DNAJA1: variants seen among roughly 807,000 people sequenced by gnomAD.
The protein encoded by DNAJA1 is dnaJ homolog subfamily A member 1.
A neutral mutation model predicts 47.6 loss-of-function variants in DNAJA1; 26 were observed. The observed-to-expected ratio is 0.55, with a 90% CI of 0.40 to 0.76. The LOEUF (loss-of-function observed/expected upper bound fraction) is 0.76, where lower values mean the gene tolerates loss of function less well. DNAJA1 is among the 30% of genes least tolerant of loss of function. DNAJA1 has a pLI of 0.00. For missense variants in DNAJA1, 315 were observed against 485.0 expected, an observed-to-expected ratio of 0.65 and a Z score of 3.29; for synonymous variants, 165 against 158.4, an observed-to-expected ratio of 1.04 and a Z score of -0.31.
chr9:33,033,760 A>G (rs10813924), intron 5 of DNAJA1, among the ~76,000 whole-genome samples: 19,943 of 152,236 alleles, frequency 0.13, 1,500 homozygotes, highest in East Asian at 0.3. Context: ...GTCTTGATTT[A>G]CATTGCTGTT....
chr9:33,038,278 A>G (rs1196462106), intron 8 of DNAJA1, among the ~76,000 whole-genome samples: 1 of 152,136 alleles, frequency 6.6e-6, no homozygotes. Context: ...TGTAATCCCA[A>G]TTGTATGAGC....
chr9:33,036,907 T>G, intron 7 of DNAJA1, 108 bp from the exon 8 acceptor site: 2 of 1,043,892 alleles, frequency 1.9e-6, no homozygotes, highest in Non-Finnish European at 1.4e-6. Context: ...CTTTGCCACG[T>G]AAGTTTTACT....
chr9:33,034,518 C>CT (rs1839006456), intron 6 of DNAJA1, among the ~76,000 whole-genome samples, 188 bp downstream of exon 6: 3 of 152,182 alleles, frequency 2.0e-5, no homozygotes, highest in South Asian at 2.1e-4. Flanking sequence ...CTTTTTGTCT[C>CT]TAAGTATGGA....
At chr9:33,026,640 G>A (rs2274769) in intron 2 of DNAJA1, 24 bp downstream of exon 2, 551,371 of 1,587,512 alleles carry the variant, frequency 0.35, 99,126 homozygotes, top group Non-Finnish European at 0.37. Context: ...ACTCTTAAAC[G>A]TATCTGAATA....
chr9:33,026,150 T>C (rs948360069), intron 1 of DNAJA1, among the ~76,000 whole-genome samples: 4 of 152,234 alleles, frequency 2.6e-5, no homozygotes, highest in Non-Finnish European at 4.4e-5. Flanking sequence ...AGTGCTTCTT[T>C]TGGTTACAAC....
Position 33,030,636 on chromosome 9 carries a change from G to T in DNAJA1, c.612G>T (p.Glu204Asp). 6.2e-7 allele frequency: 1 copy of T among 1,613,618 alleles called. No individual in the cohort carries two copies. The highest frequency in any genetic ancestry group is 8.5e-7 in the Non-Finnish European group (1 of 1,179,828). ...GCAACGGAAGGAAGATAGTTCGAGA[G>T]AAGAAAATTTTAGAAGTTCATATTG... ...KSCNGRKIVR[E>D]KKILEVHIDK... is the part of the protein sequence containing the mutation. The change falls in exon 5 of 9, where the codon GAG (glutamate) becomes GAT (aspartate). Residue 204 changes from glutamate (E) to aspartate (D), a missense_variant. Transcript: ENST00000330899.
chr9:33,038,802 G>A lies in DNAJA1; in HGVS notation c.1093G>A (p.Asp365Asn). Reference protein sequence around the residue: ...TDEMDQVELVDFDPNQERRRH... With the variant: ...TDEMDQVELVNFDPNQERRRH... ...TGAGATGGACCAAGTAGAACTGGTG[G>A]ACTTTGATCCAAATCAGGAAAGACG... is the stretch of plus-strand genomic sequence containing the variant. Residue 365 changes from aspartate to asparagine, a missense_variant, in exon 9 of 9, where the codon GAC (aspartate) becomes AAC (asparagine). Around this residue, in one of 4 missense-constraint regions of DNAJA1, gnomAD observed 162 missense variants for 185.4 expected, o/e 0.87. Coordinates refer to ENST00000330899, the MANE Select transcript of DNAJA1 (RefSeq NM_001539.4). The A allele has an allele frequency of 6.2e-7, 1 of 1,614,096 alleles. No individual in the cohort carries two copies. The highest frequency in any genetic ancestry group is 8.5e-7 in the Non-Finnish European group (1 of 1,180,022).
chr9:33,028,324 A>G (rs1429566916), intron 3 of DNAJA1, among the ~76,000 whole-genome samples: 1 of 152,332 alleles, frequency 6.6e-6, no homozygotes, highest in African/African-American at 2.4e-5. Context: ...AAAGTGGCCT[A>G]TGGGCTCTAG....
intron 3 of DNAJA1, among the ~76,000 whole-genome samples, chr9:33,029,294 A>G (rs1034984511): frequency 6.6e-6 from 1 of 152,222 alleles, no homozygotes; most frequent in African/African-American, 2.4e-5. Context: ...CTATTATAAA[A>G]GGTATGAGAA....
At chr9:33,033,449 C>A (rs983050190) in intron 5 of DNAJA1, among the ~76,000 whole-genome samples, 1 of 151,778 alleles carries the variant, frequency 6.6e-6, no homozygotes, top group Admixed American at 6.6e-5. Context: ...GTCTGTAATC[C>A]GAACACTATA....
In DNAJA1 at chr9:33,036,897, C is replaced by G. The variant is rs1293513072; in HGVS notation, c.875-118C>G. 4 of 955,324 alleles carry G rather than the reference C, an allele frequency of 4.2e-6. No individual in the cohort carries two copies. In the African/African-American group the frequency reaches 6.6e-5, roughly 16 times the overall value. The allele number at this position is 955,324 out of a possible 1,614,324, so 59.2% of individuals were successfully genotyped here. A position where few individuals can be genotyped will look rare whatever the true frequency, so the allele number is the denominator to read the frequency against. ...CCATAAGTGAAAGGTAACAGGATTG[C>G]TTTGCCACGTAAGTTTTACTCCTGC... On this transcript the variant is annotated intron_variant, in intron 7 of 8. Coordinates refer to ENST00000330899, the MANE Select transcript of DNAJA1 (RefSeq NM_001539.4).
intron 5 of DNAJA1, among the ~76,000 whole-genome samples, chr9:33,031,086 T>A (rs1445690861): frequency 1.3e-5 from 2 of 152,130 alleles, no homozygotes; most frequent in African/African-American, 4.8e-5. Flanking sequence ...AAGAATTGGG[T>A]CTCATAAAAA....
chr9:33,039,013 CTA>C lies in DNAJA1; in HGVS notation c.*113_*114del. On this transcript the variant is annotated 3_prime_UTR_variant, in exon 9 of 9. Coordinates refer to ENST00000330899, the MANE Select transcript of DNAJA1 (RefSeq NM_001539.4). ...TTGCTCTTGTTTTTGTTTTAATAAA[CTA>C]TAGTAGTGTTTTAAAAAGTTAAATG... is the stretch of plus-strand genomic sequence containing the variant. 1.9e-6 allele frequency: 2 copies of C among 1,079,186 alleles called. No homozygotes were observed. The highest frequency in any genetic ancestry group is 1.3e-6 in the Non-Finnish European group (1 of 751,854). 66.9% of individuals were successfully genotyped at this position (1,079,186 alleles called of 1,614,324 possible). A position where few individuals can be genotyped will look rare whatever the true frequency, so the allele number is the denominator to read the frequency against.
chr9:33,034,943 T>G (rs1180920633), intron 6 of DNAJA1, among the ~76,000 whole-genome samples: 2 of 150,852 alleles, frequency 1.3e-5, no homozygotes, highest in African/African-American at 4.9e-5. Flanking sequence ...TCCTAGCTAC[T>G]GGGGAGGCTG....
Position 33,038,452 on chromosome 9 carries a change from GTTTTATTTAATACAATCATT to G in DNAJA1, c.976-229_976-210del, listed in dbSNP as rs532517708. 3.9e-5 allele frequency among the ~76,000 whole-genome samples: 6 copies of G among 152,298 alleles called. No homozygotes were observed. The East Asian group carries it at 1.2e-3, about 29-fold the overall frequency. Reference sequence around the variant, plus strand: ...ATAGAACAATGGTTGTTAAAGTGCAGTTTTATTTAATACAATCATTTTTAATAAAGCCTGACTTCTGGTCA... The same window carrying G: ...ATAGAACAATGGTTGTTAAAGTGCAGTTTAATAAAGCCTGACTTCTGGTCA... On this transcript the variant is annotated intron_variant, in intron 8 of 8. Coordinates refer to ENST00000330899, the MANE Select transcript of DNAJA1 (RefSeq NM_001539.4).
At chr9:33,028,203 A>C (rs1838905572) in intron 3 of DNAJA1, among the ~76,000 whole-genome samples, 1 of 152,170 alleles carries the variant, frequency 6.6e-6, no homozygotes. Flanking sequence ...CTTCAAGCTC[A>C]TATAGCAAGC....
chr9:33,038,417 A>G (rs1325554692), intron 8 of DNAJA1, among the ~76,000 whole-genome samples: 8 of 152,224 alleles, frequency 5.3e-5, no homozygotes, highest in Admixed American at 3.3e-4. Flanking sequence ...TTAAAAAGTC[A>G]GTTTGCTGGA....
intron 3 of DNAJA1, among the ~76,000 whole-genome samples, chr9:33,028,681 T>C (rs1401733660): frequency 6.6e-6 from 1 of 152,210 alleles, no homozygotes; most frequent in African/African-American, 2.4e-5. Context: ...CAGGTTAACA[T>C]TGGCAAGCTC....
intron 1 of DNAJA1, among the ~76,000 whole-genome samples, chr9:33,025,922 C>G (rs986020974): frequency 1.3e-5 from 2 of 152,180 alleles, no homozygotes; most frequent in African/African-American, 2.4e-5. Context: ...GGAAACCTGG[C>G]AGGTAAACTC....
Sources: gnomAD v4.1 joint callset for allele counts (sites outside exome capture counted in the v4.1 genomes callset) on GRCh38, gnomAD v4.1.1 for gene constraint, gnomAD v4.1.1 regional missense constraint, MANE v1.5 for transcripts, NCBI Gene and HGNC (gene_info 2026-07-23, HGNC 2026-07-21) for gene names.